The following CCDC30 variants were observed in gnomAD, a reference collection of about 807,000 sequenced individuals.
The protein encoded by CCDC30 is coiled-coil domain-containing protein 30.
CCDC30 carries 70 observed loss-of-function variants against 100.2 expected under a neutral mutation model. The ratio of observed to expected loss-of-function variants is 0.70; its 90% CI spans 0.58 to 0.85. The LOEUF (loss-of-function observed/expected upper bound fraction) is 0.85, where lower values mean the gene tolerates loss of function less well. CCDC30 is among the 40% of genes least tolerant of loss of function. CCDC30 has a pLI of 0.00. For missense variants in CCDC30, 652 were observed against 771.2 expected, an observed-to-expected ratio of 0.85 and a Z score of 1.83; for synonymous variants, 233 against 269.5, an observed-to-expected ratio of 0.86 and a Z score of 1.33.
chr1:42,644,195 C>A (rs1647683774), intron 13 of CCDC30, among the ~76,000 whole-genome samples: 4 of 151,990 alleles, frequency 2.6e-5, no homozygotes, highest in African/African-American at 9.7e-5. Context: ...TCACAAAGTC[C>A]ACAATAGGCT....
At chr1:42,578,424 G>T (rs772587731) in intron 8 of CCDC30, among the ~76,000 whole-genome samples, 10 of 152,274 alleles carry the variant, frequency 6.6e-5, no homozygotes, top group Middle Eastern at 6.8e-3. Context: ...CTATATCTTG[G>T]TCGGGGAAGT....
intron 1 of CCDC30, among the ~76,000 whole-genome samples, chr1:42,478,827 A>G (rs1248192828): frequency 1.3e-5 from 2 of 152,174 alleles, no homozygotes; most frequent in East Asian, 1.9e-4. Context: ...ATGATAAAAT[A>G]TAGCCTGTAA....
chr1:42,637,576 G>C (rs938553027), intron 12 of CCDC30, among the ~76,000 whole-genome samples, 198 bp downstream of exon 16: 1 of 152,202 alleles, frequency 6.6e-6, no homozygotes, highest in African/African-American at 2.4e-5. Context: ...CTGCTACACG[G>C]AATTGAATAC....
At chr1:42,493,641 G>A (rs1644182576) in intron 4 of CCDC30, among the ~76,000 whole-genome samples, 1 of 152,036 alleles carries the variant, frequency 6.6e-6, no homozygotes, top group Non-Finnish European at 1.5e-5. Flanking sequence ...GAGTAAATCA[G>A]TGGAACCAAG....
intron 7 of CCDC30, among the ~76,000 whole-genome samples, chr1:42,572,922 G>A (rs1297457190): frequency 6.6e-6 from 1 of 152,070 alleles, no homozygotes; most frequent in Non-Finnish European, 1.5e-5. Context: ...CCAGCCTATT[G>A]TGGCATATTT....
chr1:42,504,457 G>A (rs1298264349), intron 6 of CCDC30, among the ~76,000 whole-genome samples: 1 of 152,186 alleles, frequency 6.6e-6, no homozygotes, highest in Non-Finnish European at 1.5e-5. Context: ...ACCAGCTGGG[G>A]CTTCTCTTAG....
chr1:42,656,468 T>C (rs540807320), downstream of CCDC30, among the ~76,000 whole-genome samples: 2 of 152,132 alleles, frequency 1.3e-5, no homozygotes, highest in Admixed American at 1.3e-4. Context: ...CTGTCTCTAC[T>C]AAAAATACAA....
chr1:42,550,285 T>C (rs1198985156), intron 6 of CCDC30, among the ~76,000 whole-genome samples: 1 of 152,208 alleles, frequency 6.6e-6, no homozygotes, highest in African/African-American at 2.4e-5. Flanking sequence ...GTTACATATC[T>C]TCCTAATTGT....
intron 6 of CCDC30, among the ~76,000 whole-genome samples, chr1:42,530,415 C>T (rs1224740631): frequency 6.6e-6 from 1 of 152,132 alleles, no homozygotes; most frequent in African/African-American, 2.4e-5. Context: ...AAAAACAGTA[C>T]AGTTGGCTCT....
intron 11 of CCDC30, among the ~76,000 whole-genome samples, chr1:42,626,517 AT>A (rs1411603289): frequency 1.3e-5 from 2 of 151,406 alleles, no homozygotes; most frequent in African/African-American, 4.9e-5. Context: ...TTTTTTGTAT[AT>A]ATGTTGTATT....
chr1:42,585,283 A>C (rs1646045868), intron 9 of CCDC30, among the ~76,000 whole-genome samples: 1 of 152,156 alleles, frequency 6.6e-6, no homozygotes, highest in African/African-American at 2.4e-5. Flanking sequence ...TTTGTCAAAT[A>C]GAGATGAGTC....
intron 8 of CCDC30, among the ~76,000 whole-genome samples, chr1:42,577,651 T>A (rs1011771565): frequency 6.6e-6 from 1 of 152,080 alleles, no homozygotes; most frequent in Non-Finnish European, 1.5e-5. Flanking sequence ...ATTTATTTAT[T>A]TATTTTTGAG....
At chr1:42,477,019 A>C (rs1006797040) in intron 1 of CCDC30, among the ~76,000 whole-genome samples, 1 of 149,736 alleles carries the variant, frequency 6.7e-6, no homozygotes, top group Non-Finnish European at 1.5e-5. Flanking sequence ...CTCATGATTT[A>C]AAGTTAATAT....
intron 11 of CCDC30, among the ~76,000 whole-genome samples, chr1:42,622,038 C>CT (rs1050077092): frequency 2.0e-5 from 3 of 152,062 alleles, no homozygotes; most frequent in Admixed American, 2.0e-4. Flanking sequence ...ATAGTTAAAA[C>CT]TTTTTTTATA....
intron 10 of CCDC30, among the ~76,000 whole-genome samples, chr1:42,609,226 A>C (rs980337382): frequency 2.6e-5 from 4 of 152,040 alleles, no homozygotes; most frequent in Non-Finnish European, 5.9e-5. Flanking sequence ...AGGATGAAAA[A>C]TTTTGTGATG....
intron 3 of CCDC30, among the ~76,000 whole-genome samples, chr1:42,483,154 A>G (rs1358151454): frequency 6.6e-6 from 1 of 152,154 alleles, no homozygotes; most frequent in African/African-American, 2.4e-5. Context: ...GCGTTTGACT[A>G]TATGCAGTAT....
intron 11 of CCDC30, among the ~76,000 whole-genome samples, chr1:42,615,193 G>C (rs1351858423): frequency 6.6e-6 from 1 of 152,206 alleles, no homozygotes; most frequent in Non-Finnish European, 1.5e-5. Context: ...AGGACAGGGA[G>C]ATGAAGTAGC....
At chr1:42,516,004 G>A (rs946136240) in intron 6 of CCDC30, among the ~76,000 whole-genome samples, 3 of 152,156 alleles carry the variant, frequency 2.0e-5, no homozygotes, top group Non-Finnish European at 4.4e-5. Context: ...TGTAAATAAT[G>A]GGTGTACAAA....
intron 6 of CCDC30, among the ~76,000 whole-genome samples, chr1:42,502,279 T>A (rs1044922444): frequency 6.6e-6 from 1 of 152,090 alleles, no homozygotes; most frequent in Admixed American, 6.5e-5. Context: ...CTCCGAGCCA[T>A]GCGTGGGATA....
Sources: gnomAD v4.1 joint callset for allele counts (sites outside exome capture counted in the v4.1 genomes callset) on GRCh38, gnomAD v4.1.1 for gene constraint, MANE v1.5 for transcripts, NCBI Gene and HGNC (gene_info 2026-07-23, HGNC 2026-07-21) for gene names.